The following TIAM1 variants were observed in gnomAD, a reference collection of about 807,000 sequenced individuals.
The protein encoded by TIAM1 is TIAM Rac1 associated GEF 1, also known as rho guanine nucleotide exchange factor TIAM1.
TIAM1 carries 65 observed loss-of-function variants against 163.5 expected under a neutral mutation model. The observed-to-expected ratio is 0.40, with a 90% CI of 0.33 to 0.49. The LOEUF is 0.49. Ranked by LOEUF, TIAM1 falls within the 20% of genes least tolerant of loss-of-function variation. The probability of loss-of-function intolerance (pLI) is 0.77; values close to 1 mark genes in which losing one functional copy is unlikely to be tolerated. For missense variants in TIAM1, 1,789 were observed against 2,044.7 expected (o/e 0.87, Z 2.41); for synonymous variants, 833 against 810.1 (o/e 1.03, Z -0.48).
intron 2 of TIAM1, among the ~76,000 whole-genome samples, chr21:31,411,446 A>G (rs1054398079): frequency 1.8e-4 from 26 of 148,254 alleles, no homozygotes; most frequent in African/African-American, 6.0e-4. Flanking sequence ...AGATAAATGT[A>G]TACATGTGGC....
chr21:31,125,985 A>G (rs536402578), intron 26 of TIAM1, among the ~76,000 whole-genome samples: 251 of 152,330 alleles, frequency 1.6e-3, no homozygotes, highest in African/African-American at 5.9e-3. Flanking sequence ...AAATAATTGC[A>G]GTTTTTGCCA....
At chr21:31,468,947 AG>A (rs1230592157) in intron 1 of TIAM1, among the ~76,000 whole-genome samples, 1 of 152,056 alleles carries the variant, frequency 6.6e-6, no homozygotes, top group Admixed American at 6.6e-5. Flanking sequence ...TCAAGACAGT[AG>A]GAACACTGAC....
At chr21:31,371,031 C>A (rs1340992561) in intron 2 of TIAM1, among the ~76,000 whole-genome samples, 1 of 152,184 alleles carries the variant, frequency 6.6e-6, no homozygotes, top group Non-Finnish European at 1.5e-5. Context: ...CAGGGACAAA[C>A]TTTCCAGAAT....
chr21:31,140,758 T>A (rs2082811210), intron 22 of TIAM1, among the ~76,000 whole-genome samples: 1 of 152,234 alleles, frequency 6.6e-6, no homozygotes, highest in South Asian at 2.1e-4. Flanking sequence ...ACCCACTATG[T>A]GCCTGGTGTC....
intron 19 of TIAM1, among the ~76,000 whole-genome samples, chr21:31,147,503 A>G (rs2083177678): frequency 6.6e-6 from 1 of 151,612 alleles, no homozygotes; most frequent in African/African-American, 2.4e-5. Context: ...AGGAAGAAAC[A>G]CGCTCAACTA....
intron 1 of TIAM1, among the ~76,000 whole-genome samples, chr21:31,540,834 G>GTT (rs1455770437): frequency 6.6e-6 from 1 of 152,136 alleles, no homozygotes; most frequent in African/African-American, 2.4e-5. Flanking sequence ...GAAAAGTAAA[G>GTT]TCTACCTGAA....
chr21:31,343,555 A>C (rs2076080777), intron 1 of TIAM1, among the ~76,000 whole-genome samples: 1 of 152,180 alleles, frequency 6.6e-6, no homozygotes, highest in South Asian at 2.1e-4. Context: ...AACTAATTTA[A>C]TCAGATGTAA....
At position 31,141,301 on chromosome 21, in the gene TIAM1, C is replaced by CG; in HGVS notation, c.3655+23dup. 1 of 1,613,560 alleles carries CG rather than the reference C, an allele frequency of 6.2e-7. No individual in the cohort carries two copies. The highest frequency in any genetic ancestry group is 8.5e-7 in the Non-Finnish European group (1 of 1,179,680). On this transcript the variant is annotated intron_variant, in intron 21 of 27. Transcript: ENST00000541036. This position sits in a 1 kb window ranked among gnomAD's most constrained non-coding sequence, Gnocchi z 4.7. ...GACCCTCATGGAGACTCAGGCCTGC[C>CG]GGGGGTCCCAGGCCGAGGCCTACCG...
chr21:31,202,388 CA>C (rs11357943), intron 12 of TIAM1, among the ~76,000 whole-genome samples: 25,891 of 128,680 alleles, frequency 0.2, 3,210 homozygotes, highest in East Asian at 0.42. Context: ...CCTGTCTCTA[CA>C]AAAAAAAAAA....
chr21:31,172,053 A>G (rs899064240), intron 15 of TIAM1, among the ~76,000 whole-genome samples: 9 of 152,208 alleles, frequency 5.9e-5, no homozygotes, highest in African/African-American at 2.2e-4. Context: ...CAAGTAAAAC[A>G]GTTGTTTCAG....
intron 12 of TIAM1, among the ~76,000 whole-genome samples, chr21:31,202,571 A>C (rs1008043669): frequency 6.6e-6 from 1 of 152,152 alleles, no homozygotes; most frequent in East Asian, 1.9e-4. Flanking sequence ...TCCTGTCTCT[A>C]AACAACAAAA....
intron 1 of TIAM1, among the ~76,000 whole-genome samples, chr21:31,522,748 TC>T (rs1305285018): frequency 4.6e-5 from 7 of 152,156 alleles, no homozygotes; most frequent in Admixed American, 4.6e-4. Flanking sequence ...TTTATAAAGT[TC>T]TATCCAAATG....
At chr21:31,256,780 A>C (rs1167293114) in intron 4 of TIAM1, among the ~76,000 whole-genome samples, 3 of 152,204 alleles carry the variant, frequency 2.0e-5, no homozygotes, top group Admixed American at 6.5e-5. Context: ...GGAGAGCAAC[A>C]CATCTACTTT....
chr21:31,131,851 T>C (rs1195194016), intron 23 of TIAM1, among the ~76,000 whole-genome samples: 1 of 152,188 alleles, frequency 6.6e-6, no homozygotes. Context: ...TGAGTGTCCT[T>C]ATAAGAGACT....
At chr21:31,450,312 T>C (rs2044779540) in intron 2 of TIAM1, among the ~76,000 whole-genome samples, 4 of 152,204 alleles carry the variant, frequency 2.6e-5, no homozygotes, top group Middle Eastern at 3.4e-3. Flanking sequence ...GTCCGAGATG[T>C]TTTCTTGGAA....
Position 31,480,577 on chromosome 21 carries a change from G to A in TIAM1, c.-421-16542C>T, listed in dbSNP as rs1156780128. ...AACCACCACATTGCCGCATGCCAGA[G>A]TAAAGGCAGGGACACCAGCCAGCCC... On this transcript the variant is annotated intron_variant, in intron 1 of 28. Transcript: ENST00000286827. Among the ~76,000 whole-genome samples the A allele has an allele frequency of 2.0e-5, 3 of 152,164 alleles. No homozygotes were observed. In the East Asian group the frequency reaches 5.8e-4, roughly 29 times the overall value.
rs570569331 is a variant in TIAM1, at chr21:31,313,265, T to C, written c.-189+25978A>G. On this transcript the variant is annotated intron_variant, in intron 2 of 27. Coordinates refer to ENST00000541036, the MANE Select transcript of TIAM1 (RefSeq NM_001353694.2). ...ATGTTTCTTTCCTTAAAAATCAACA[T>C]GATACCTACAAAAAGTACTTCCGGA... is the stretch of plus-strand genomic sequence containing the variant. Among the ~76,000 whole-genome samples, 45 of 152,266 alleles carry C rather than the reference T, an allele frequency of 3.0e-4. 2 individuals are homozygous for C. In the South Asian group the frequency reaches 7.9e-3, roughly 27 times the overall value.
intron 1 of TIAM1, among the ~76,000 whole-genome samples, chr21:31,548,576 C>CT (rs2048580607): frequency 2.0e-5 from 1 of 49,254 alleles, no homozygotes; most frequent in South Asian, 5.3e-4. Flanking sequence ...GCAAACTCTG[C>CT]TCCTGGGCTC....
intron 1 of TIAM1, among the ~76,000 whole-genome samples, chr21:31,498,558 G>C (rs2046742607): frequency 1.3e-5 from 2 of 152,228 alleles, no homozygotes; most frequent in African/African-American, 4.8e-5. Flanking sequence ...ACCTGTGCAT[G>C]TTTGTACCAC....
Sources: gnomAD v4.1 joint callset for allele counts (sites outside exome capture counted in the v4.1 genomes callset) on GRCh38, gnomAD v4.1.1 for gene constraint, Gnocchi (gnomAD v3.1) non-coding constraint, MANE v1.5 for transcripts, NCBI Gene and HGNC (gene_info 2026-07-23, HGNC 2026-07-21) for gene names.